The following MBP variants were observed in gnomAD, a reference collection of about 807,000 sequenced individuals.
The protein encoded by MBP is myelin basic protein.
Under a neutral mutation model 35.8 loss-of-function variants are expected in MBP, and 16 were observed. The ratio of observed to expected loss-of-function variants is 0.45; its 90% CI spans 0.30 to 0.68. The LOEUF is 0.68. Ranked by LOEUF, MBP falls within the 30% of genes least tolerant of loss-of-function variation. MBP has a pLI of 0.08. For missense variants in MBP, 380 were observed against 404.7 expected (o/e 0.94, Z 0.52); for synonymous variants, 143 against 159.6 (o/e 0.90, Z 0.78).
chr18:77,064,262 C>T (rs1233339355), intron 3 of MBP, among the ~76,000 whole-genome samples: 1 of 152,146 alleles, frequency 6.6e-6, no homozygotes, highest in Non-Finnish European at 1.5e-5. Context: ...TCTACGAAAC[C>T]CTAAGTGTTC....
chr18:76,997,351 G>A (rs1377185322), intron 4 of MBP, among the ~76,000 whole-genome samples: 1 of 152,226 alleles, frequency 6.6e-6, no homozygotes, highest in Admixed American at 6.5e-5. Flanking sequence ...GACGCCACCT[G>A]TGTGGCCTTC....
intron 3 of MBP, among the ~76,000 whole-genome samples, chr18:77,060,448 CTTTTTTTTT>C (rs74182682): frequency 1.0e-5 from 1 of 97,630 alleles, no homozygotes; most frequent in African/African-American, 6.2e-5. Context: ...TCTCTCTCTC[CTTTTTTTTT>C]TTTTTTTTTT....
intron 3 of MBP, among the ~76,000 whole-genome samples, chr18:77,039,707 T>C (rs79997943): frequency 0.012 from 1,892 of 152,302 alleles, 26 homozygotes; most frequent in Non-Finnish European, 0.019. Flanking sequence ...CAGAAGAAAG[T>C]TGTTTCTTAG....
At chr18:77,009,729 C>G (rs759792495) in intron 4 of MBP, 2 of 868,210 alleles carry the variant, frequency 2.3e-6, no homozygotes, top group Admixed American at 5.3e-5. Context: ...ACAGATGCCC[C>G]GGAGGCTGGG....
intron 1 of MBP, among the ~76,000 whole-genome samples, chr18:77,118,487 A>C (rs962885823): frequency 2.6e-5 from 4 of 152,074 alleles, no homozygotes; most frequent in African/African-American, 9.7e-5. Flanking sequence ...GAGGAAATGC[A>C]GGAAATCTCC....
intron 4 of MBP, among the ~76,000 whole-genome samples, chr18:77,011,662 C>T (rs1971360136): frequency 6.6e-6 from 1 of 152,194 alleles, no homozygotes. Context: ...GCAAGAATAG[C>T]CTCTTAGGAG....
chr18:76,996,915 A>G (rs1209757214), intron 4 of MBP, among the ~76,000 whole-genome samples: 1 of 152,356 alleles, frequency 6.6e-6, no homozygotes, highest in East Asian at 1.9e-4. Flanking sequence ...TTGTACAGCC[A>G]GAGATGGAAT....
intron 4 of MBP, chr18:77,009,876 G>T: frequency 6.3e-7 from 1 of 1,594,408 alleles, no homozygotes; most frequent in Non-Finnish European, 8.5e-7. Context: ...GCCCAGGCTG[G>T]CTGCGGGCAT....
rs2145110877 is a variant in MBP at position 77,101,808 on chromosome 18, G to A, written c.51+3403C>T. Among the ~76,000 whole-genome samples, 1 of 152,306 alleles carries A rather than the reference G, an allele frequency of 6.6e-6. No individual in the cohort carries two copies. Among genetic ancestry groups the A allele is most frequent in the Middle Eastern group, 3.4e-3 (1 of 294 alleles). On this transcript the variant is annotated intron_variant, in intron 2 of 8. Transcript: ENST00000355994. The surrounding 1 kb of genome is among the most constrained non-coding windows in gnomAD (Gnocchi z 4.3). ...GCAAAACTTGCAAAGGAGACTGGAA[G>A]CTCCTGCAGGCAACAGACGAGGCCT... is the stretch of plus-strand genomic sequence containing the variant.
At chr18:77,023,684 T>C (rs1972082958) in intron 3 of MBP, among the ~76,000 whole-genome samples, 1 of 152,170 alleles carries the variant, frequency 6.6e-6, no homozygotes, top group African/African-American at 2.4e-5. Flanking sequence ...CCATGTGCAA[T>C]GCTGCAGGCC....
intron 1 of MBP, chr18:77,113,399 C>T (rs912448572): frequency 5.2e-5 from 8 of 152,510 alleles, no homozygotes; most frequent in African/African-American, 1.7e-4. Flanking sequence ...GACAGAGCCT[C>T]CTGCAGAGCT....
At chr18:77,119,043 C>A (rs1976804451) in intron 1 of MBP, among the ~76,000 whole-genome samples, 1 of 6,606 alleles carries the variant, frequency 1.5e-4, no homozygotes, top group Non-Finnish European at 0.021. Context: ...CTTTCCCTTG[C>A]ACCCTGTCTG....
At chr18:77,043,728 T>G (rs894920337) in intron 3 of MBP, among the ~76,000 whole-genome samples, 2 of 152,162 alleles carry the variant, frequency 1.3e-5, no homozygotes. Context: ...AGTCACTGCT[T>G]TGCTGTTGCG....
At chr18:77,045,939 C>G (rs1973233472) in intron 3 of MBP, among the ~76,000 whole-genome samples, 1 of 152,156 alleles carries the variant, frequency 6.6e-6, no homozygotes, top group Admixed American at 6.5e-5. Flanking sequence ...TTTAGAAATC[C>G]AGCTACAAGA....
intron 3 of MBP, among the ~76,000 whole-genome samples, chr18:77,023,372 C>T (rs1972067800): frequency 6.6e-6 from 1 of 152,202 alleles, no homozygotes; most frequent in South Asian, 2.1e-4. Flanking sequence ...ATCCCCAGCA[C>T]ACAAGCGTCG....
At chr18:77,018,482 T>C (rs1033587493) in intron 3 of MBP, among the ~76,000 whole-genome samples, 10 of 142,234 alleles carry the variant, frequency 7.0e-5, no homozygotes, top group African/African-American at 2.9e-4. Context: ...TCCATCCACA[T>C]ATCAGTCCAT....
chr18:77,000,833 G>A (rs1432909209), intron 4 of MBP, among the ~76,000 whole-genome samples: 4 of 152,246 alleles, frequency 2.6e-5, no homozygotes, highest in Admixed American at 2.6e-4. Context: ...TGCATCTGAA[G>A]ATCAGCGGCT....
Sources: allele counts gnomAD v4.1 joint callset (sites outside exome capture counted in the v4.1 genomes callset), GRCh38; gene constraint gnomAD v4.1.1; non-coding constraint Gnocchi (gnomAD v3.1); transcripts MANE v1.5; gene names NCBI Gene and HGNC (gene_info 2026-07-23, HGNC 2026-07-21).